The following DNTT variants were observed in gnomAD, a reference collection of about 807,000 sequenced individuals.
DNTT encodes the protein nucleosidetriphosphate:DNA deoxynucleotidylexotransferase.
A neutral mutation model predicts 60.9 loss-of-function variants in DNTT; 47 were observed. That is an observed-to-expected ratio of 0.77 (90% CI 0.61 to 0.98). DNTT has a LOEUF of 0.98. Among genes scored for constraint, DNTT ranks in the 50% least tolerant of loss-of-function variants. The probability of loss-of-function intolerance (pLI) is 0.00; values close to 1 mark genes in which losing one functional copy is unlikely to be tolerated. For missense variants in DNTT, 665 were observed against 627.5 expected (o/e 1.06, Z -0.64); for synonymous variants, 224 against 221.2 (o/e 1.01, Z -0.11).
chr10:96,337,891 C>T (rs1313563195), intron 10 of DNTT, among the ~76,000 whole-genome samples: 2 of 151,884 alleles, frequency 1.3e-5, no homozygotes, highest in East Asian at 3.9e-4. Context: ...GAACTACAGC[C>T]CGTAGGAAAA....
intron 9 of DNTT, 74 bp from the exon 10 acceptor site, chr10:96,335,817 A>C: frequency 6.7e-7 from 1 of 1,496,716 alleles, no homozygotes; most frequent in Non-Finnish European, 9.3e-7. Context: ...ATATTTCACT[A>C]GAGGGATGTA....
intron 1 of DNTT, among the ~76,000 whole-genome samples, chr10:96,316,896 C>T (rs1046299849): frequency 6.6e-6 from 1 of 152,164 alleles, no homozygotes; most frequent in Non-Finnish European, 1.5e-5. Flanking sequence ...ACTACCATCA[C>T]CGCCACCACT....
chr10:96,336,967 C>T (rs1040073775), intron 10 of DNTT, among the ~76,000 whole-genome samples: 1 of 145,948 alleles, frequency 6.9e-6, no homozygotes, highest in African/African-American at 2.6e-5. Flanking sequence ...AAGTAATGAT[C>T]ATTTCCCTCT....
At chr10:96,336,413 G>T (rs1845070069) in intron 10 of DNTT, among the ~76,000 whole-genome samples, 1 of 152,194 alleles carries the variant, frequency 6.6e-6, no homozygotes, top group African/African-American at 2.4e-5. Flanking sequence ...CAACAGAGCT[G>T]CCCTGAGACA....
chr10:96,319,857 C>T (rs757006318), intron 3 of DNTT, among the ~76,000 whole-genome samples: 17 of 152,190 alleles, frequency 1.1e-4, no homozygotes, highest in Non-Finnish European at 1.9e-4. Flanking sequence ...CTGAGCCTGT[C>T]TCCTCATCTA....
At chr10:96,314,132 C>T (rs1467555015) in intron 1 of DNTT, among the ~76,000 whole-genome samples, 3 of 152,150 alleles carry the variant, frequency 2.0e-5, no homozygotes, top group Non-Finnish European at 4.4e-5. Context: ...CAAGGCAATA[C>T]GTTTACTGCT....
At chr10:96,336,722 G>A (rs1845074613) in intron 10 of DNTT, among the ~76,000 whole-genome samples, 1 of 151,994 alleles carries the variant, frequency 6.6e-6, no homozygotes. Flanking sequence ...CGAGGCGGGT[G>A]GATCACTTGA....
At chr10:96,323,162 G>C (rs995780081) in intron 5 of DNTT, among the ~76,000 whole-genome samples, 5 of 152,138 alleles carry the variant, frequency 3.3e-5, no homozygotes, top group African/African-American at 1.2e-4. Context: ...AATTAGGTGT[G>C]GTGAGGCATG....
At position 96,322,710 on chromosome 10, in the gene DNTT, A is replaced by G. The variant is rs144787508; in HGVS notation, c.732A>G (p.Glu244=). 6.1e-3 allele frequency: 9,704 copies of G among 1,600,046 alleles called. 55 individuals are homozygous for G. The highest frequency in any genetic ancestry group is 0.016 in the Middle Eastern group (96 of 6,008). Residue 244 remains glutamate (E), a synonymous_variant, in exon 5 of 11, where the codon GAA becomes GAG. Transcript: ENST00000371174. ...AAGTTAAAGCTGTGTTAAATGATGA[A>G]CGATATCAATCCTTCAAAGTAAGTG... ...SSEVKAVLND[E]RYQSFKLFTS...
At position 96,327,496 on chromosome 10, in the gene DNTT, CTG is replaced by C. The variant is rs1220390021; in HGVS notation, c.908_909del (p.Val303AspfsTer13). The C allele has an allele frequency of 2.5e-6, 4 of 1,614,118 alleles. No homozygotes were observed. Among genetic ancestry groups the C allele is most frequent in the Non-Finnish European group, 3.4e-6 (4 of 1,179,980 alleles). On this transcript the variant is annotated frameshift_variant, in exon 7 of 11. Coordinates refer to ENST00000371174, the MANE Select transcript of DNTT (RefSeq NM_004088.4). LOFTEE classifies it high-confidence loss of function. ...GFLYYEDLVS[C>X]VTRAEAEAVS... ...TTCTGTATTATGAAGACCTTGTCAG[CTG>C]TGTGACCAGGGCAGAAGCAGAGGCC...
chr10:96,314,715 C>CT (rs749901665), intron 1 of DNTT, among the ~76,000 whole-genome samples: 69 of 152,134 alleles, frequency 4.5e-4, no homozygotes, highest in Non-Finnish European at 8.8e-4. Context: ...CCCAGCCTCT[C>CT]TTCCCATTTT....
At chr10:96,309,500 T>G (rs1844683515) in intron 1 of DNTT, among the ~76,000 whole-genome samples, 1 of 152,242 alleles carries the variant, frequency 6.6e-6, no homozygotes, top group African/African-American at 2.4e-5. Context: ...GCCTGCTCAT[T>G]TTTTACTTTT....
Position 96,304,706 on chromosome 10 carries a change from A to G in DNTT, c.203+6A>G, listed in dbSNP as rs1844613186. The G allele has an allele frequency of 6.2e-7, 1 of 1,612,776 alleles. No individual in the cohort carries two copies. The stretch of plus-strand genomic sequence containing the variant: ...AGGGTTGAAAATGAGCTCAGGTAGG[A>G]CAGCATCGATCTTGCTTTGTAAATA... On this transcript the variant is annotated splice_donor_region_variant and intron_variant, in intron 1 of 10. Transcript: ENST00000371174.
intron 1 of DNTT, among the ~76,000 whole-genome samples, chr10:96,314,661 C>T (rs768391084): frequency 1.3e-5 from 2 of 151,950 alleles, no homozygotes; most frequent in Admixed American, 6.6e-5. Flanking sequence ...ATCTGCCCCC[C>T]TCAGCCTCCC....
intron 8 of DNTT, among the ~76,000 whole-genome samples, chr10:96,330,607 G>T (rs1844996285): frequency 6.6e-6 from 1 of 152,200 alleles, no homozygotes; most frequent in African/African-American, 2.4e-5. Flanking sequence ...GTTGAAGGGT[G>T]AAGAGTTCCC....
At chr10:96,310,607 T>C (rs1370856517) in intron 1 of DNTT, among the ~76,000 whole-genome samples, 1 of 152,116 alleles carries the variant, frequency 6.6e-6, no homozygotes, top group African/African-American at 2.4e-5. Context: ...CTGGTGGGAG[T>C]CACTGCCTAG....
In DNTT at chr10:96,328,836, AAG is replaced by A. The variant is rs769120207; in HGVS notation, c.1113+8_1113+9del. The A allele has an allele frequency of 3.8e-5, 62 of 1,610,456 alleles. No individual in the cohort carries two copies. Among genetic ancestry groups the A allele is most frequent in the Non-Finnish European group, 5.3e-5 (62 of 1,178,900 alleles). On this transcript the variant is annotated splice_region_variant and intron_variant, in intron 8 of 10. Coordinates refer to ENST00000371174, the MANE Select transcript of DNTT (RefSeq NM_004088.4). ...TGAACTTATGGGAAAAGAAGGTGAG[AAG>A]AAAGATGAAAAATACATGCACACGC...
chr10:96,324,838 G>C (rs938671277), intron 6 of DNTT, among the ~76,000 whole-genome samples: 1 of 152,294 alleles, frequency 6.6e-6, no homozygotes, highest in South Asian at 2.1e-4. Context: ...AAGACAGAAG[G>C]GTTGGCTGCT....
chr10:96,332,585 A>T lies in DNTT; in HGVS notation c.1348A>T (p.Thr450Ser), dbSNP rs145011041. The T allele has an allele frequency of 1.9e-5, 30 of 1,612,690 alleles. No individual in the cohort carries two copies. The highest frequency in any genetic ancestry group is 3.3e-4 in the Middle Eastern group (2 of 6,066). The change falls in exon 9 of 11, where the codon ACT becomes TCT. Residue 450 changes from threonine (T) to serine (S), a missense_variant. Thr to Ser is a moderately conservative substitution (Grantham distance 58). Coordinates refer to ENST00000371174, the MANE Select transcript of DNTT (RefSeq NM_004088.4). ...ERRAFALLGWTGSRQFERDLR... is the reference protein window; with the variant it reads ...ERRAFALLGWSGSRQFERDLR... ...TCGTGCCTTTGCCCTGTTGGGATGG[A>T]CTGGCTCCCGGGTAAGTGCTACATG... is the stretch of plus-strand genomic sequence containing the variant.
Sources: allele counts gnomAD v4.1 joint callset (sites outside exome capture counted in the v4.1 genomes callset), GRCh38; gene constraint gnomAD v4.1.1; transcripts MANE v1.5; gene names NCBI Gene and HGNC (gene_info 2026-07-23, HGNC 2026-07-21).